Variants in SLC35F3 observed in about 807,000 individuals in gnomAD.
SLC35F3 encodes the protein putative thiamine transporter SLC35F3.
Under a neutral mutation model 49.9 loss-of-function variants are expected in SLC35F3, and 25 were observed. The ratio of observed to expected loss-of-function variants is 0.50; its 90% confidence interval spans 0.37 to 0.70. The LOEUF (loss-of-function observed/expected upper bound fraction) is 0.70, where lower values mean the gene tolerates loss of function less well. SLC35F3 is among the 30% of genes least tolerant of loss of function. The probability of loss-of-function intolerance (pLI) is 0.00; values close to 1 mark genes in which losing one functional copy is unlikely to be tolerated. For synonymous variants in SLC35F3, 275 were observed against 265.4 expected (o/e 1.04, Z -0.35); for missense variants, 525 against 639.8 (o/e 0.82, Z 1.94).
intron 2 of SLC35F3, among the ~76,000 whole-genome samples, chr1:234,013,378 T>C (rs1572019422): frequency 6.6e-6 from 1 of 151,864 alleles, no homozygotes; most frequent in South Asian, 2.1e-4. Context: ...TAAGCACTTA[T>C]GTCAAAAAAG....
At chr1:233,991,474 GA>G (rs1022526648) in intron 2 of SLC35F3, among the ~76,000 whole-genome samples, 2 of 151,800 alleles carry the variant, frequency 1.3e-5, no homozygotes, top group East Asian at 1.9e-4. Flanking sequence ...AAAGAAAAAA[GA>G]AAAAAAACTA....
At chr1:234,053,908 T>C (rs1664415984) in intron 2 of SLC35F3, among the ~76,000 whole-genome samples, 1 of 152,330 alleles carries the variant, frequency 6.6e-6, no homozygotes, top group Non-Finnish European at 1.5e-5. Flanking sequence ...TGAAGCTTAG[T>C]TTGGCTTGAT....
In SLC35F3 at chr1:233,905,651, C is replaced by T. The variant is rs1436807602; in HGVS notation, c.176C>T (p.Ser59Phe). 6.2e-7 allele frequency: 1 copy of T among 1,614,192 alleles called. No homozygotes were observed. Among genetic ancestry groups the T allele is most frequent in the South Asian group, 1.1e-5 (1 of 91,090 alleles). ...AIKEDLKWSR[S>F]VEDLTSGPVG... ...AAGGAGGATCTGAAATGGTCGCGCTCCGTGGAGGATCTCACCAGCGGGCCG... is the reference window on the plus strand; with the variant it reads ...AAGGAGGATCTGAAATGGTCGCGCTTCGTGGAGGATCTCACCAGCGGGCCG... The change falls in exon 2 of 8, where the codon TCC (serine) becomes TTC (phenylalanine). Residue 59 changes from serine to phenylalanine, a missense_variant. By Grantham distance (155) the Ser-to-Phe change is radical. This residue lies in a region of SLC35F3 where 228 missense variants were observed against 218.9 expected (regional missense o/e 1.04). Transcript: ENST00000366618.
intron 2 of SLC35F3, among the ~76,000 whole-genome samples, chr1:233,936,193 A>G (rs1196554744): frequency 6.6e-6 from 1 of 152,216 alleles, no homozygotes; most frequent in Non-Finnish European, 1.5e-5. Context: ...TTCAGTAGCC[A>G]TGGCCCCCCC....
At chr1:233,971,087 T>A (rs1317871178) in intron 2 of SLC35F3, among the ~76,000 whole-genome samples, 12 of 152,232 alleles carry the variant, frequency 7.9e-5, no homozygotes, top group Non-Finnish European at 1.8e-4. Context: ...TCCCTTCTGA[T>A]CACAGGCACC....
intron 2 of SLC35F3, among the ~76,000 whole-genome samples, chr1:234,088,124 T>C (rs1664987604): frequency 6.6e-6 from 1 of 152,162 alleles, no homozygotes; most frequent in Admixed American, 6.5e-5. Flanking sequence ...CCTACAGCAG[T>C]GATTTGCAGA....
chr1:234,058,845 C>A (rs12756593), intron 2 of SLC35F3, among the ~76,000 whole-genome samples: 19,980 of 151,978 alleles, frequency 0.13, 1,630 homozygotes, highest in Non-Finnish European at 0.18. Context: ...CTAATAAAAT[C>A]TCTTTACTCA....
At chr1:234,305,105 G>A (rs1657119645) in intron 3 of SLC35F3, among the ~76,000 whole-genome samples, 1 of 152,216 alleles carries the variant, frequency 6.6e-6, no homozygotes, top group Non-Finnish European at 1.5e-5. Context: ...GGAATGGCAA[G>A]TGCTAAACCA....
intron 2 of SLC35F3, among the ~76,000 whole-genome samples, chr1:234,036,332 CTG>C: frequency 6.6e-6 from 1 of 152,334 alleles, no homozygotes; most frequent in African/African-American, 2.4e-5. Context: ...TCCCAAGTCA[CTG>C]AGATTACAGG....
intron 3 of SLC35F3, among the ~76,000 whole-genome samples, chr1:234,252,908 G>A (rs1558274460): frequency 1.3e-5 from 2 of 152,198 alleles, no homozygotes; most frequent in Non-Finnish European, 2.9e-5. Context: ...AAGCATGGAC[G>A]ATAAAGTTTG....
At chr1:234,275,493 A>G (rs1009632015) in intron 3 of SLC35F3, among the ~76,000 whole-genome samples, 6 of 152,154 alleles carry the variant, frequency 3.9e-5, no homozygotes, top group Non-Finnish European at 5.9e-5. Context: ...TCTTTTCTCA[A>G]TATTGCAGAG....
At chr1:234,299,323 A>C (rs1227310734) in intron 3 of SLC35F3, among the ~76,000 whole-genome samples, 1 of 152,208 alleles carries the variant, frequency 6.6e-6, no homozygotes, top group Non-Finnish European at 1.5e-5. Context: ...GCCCTTGTAA[A>C]CAACCAATAC....
At chr1:234,125,945 G>A (rs1399024515) in intron 2 of SLC35F3, among the ~76,000 whole-genome samples, 1 of 152,156 alleles carries the variant, frequency 6.6e-6, no homozygotes, top group African/African-American at 2.4e-5. Context: ...GCAGTTCTGT[G>A]CTTCCGCGCA....
At chr1:233,907,605 C>T (rs947256277) in intron 2 of SLC35F3, among the ~76,000 whole-genome samples, 22 of 152,108 alleles carry the variant, frequency 1.4e-4, no homozygotes, top group African/African-American at 1.9e-4. Context: ...GTTACTATAA[C>T]GCTTTAGGTG....
chr1:234,144,776 C>T (rs986407278), intron 2 of SLC35F3, among the ~76,000 whole-genome samples: 3 of 151,966 alleles, frequency 2.0e-5, no homozygotes, highest in Non-Finnish European at 2.9e-5. Context: ...GGATGAGACT[C>T]GTGTGAAAAC....
chr1:234,139,914 C>T (rs1431584803), intron 2 of SLC35F3, among the ~76,000 whole-genome samples: 1 of 135,884 alleles, frequency 7.4e-6, no homozygotes, highest in Non-Finnish European at 1.6e-5. Flanking sequence ...TGCCCCTGCA[C>T]TCCAGCCTGG....
intron 2 of SLC35F3, among the ~76,000 whole-genome samples, chr1:233,961,214 G>A (rs569630953): frequency 7.2e-5 from 11 of 152,172 alleles, no homozygotes; most frequent in Non-Finnish European, 1.6e-4. Context: ...CTGAATGCTC[G>A]AACAGGTGGG....
At chr1:234,091,447 G>C (rs1665042950) in intron 2 of SLC35F3, among the ~76,000 whole-genome samples, 1 of 152,206 alleles carries the variant, frequency 6.6e-6, no homozygotes, top group African/African-American at 2.4e-5. Flanking sequence ...GACCTGAGGA[G>C]GGGAACCCTT....
At chr1:233,987,440 C>T (rs1451809416) in intron 2 of SLC35F3, among the ~76,000 whole-genome samples, 1 of 151,912 alleles carries the variant, frequency 6.6e-6, no homozygotes, top group Non-Finnish European at 1.5e-5. Flanking sequence ...TTTGAATGTA[C>T]TTCTCCATTC....
Sources: allele counts gnomAD v4.1 joint callset (sites outside exome capture counted in the v4.1 genomes callset), GRCh38; gene constraint gnomAD v4.1.1; regional missense constraint gnomAD v4.1.1; transcripts MANE v1.5; gene names NCBI Gene and HGNC (gene_info 2026-07-23, HGNC 2026-07-21).